The following SFXN5 variants were observed in gnomAD, a reference collection of about 807,000 sequenced individuals.
SFXN5 encodes the protein sideroflexin-5.
In SFXN5, 43 loss-of-function variants were observed where a neutral mutation model predicts 50.2. The observed-to-expected ratio is 0.86, with a 90% CI of 0.67 to 1.11. The LOEUF (loss-of-function observed/expected upper bound fraction) is 1.11, where lower values mean the gene tolerates loss of function less well. Ranked by LOEUF, SFXN5 falls within the 50% of genes least tolerant of loss-of-function variation. SFXN5 has a pLI of 0.00. For missense variants in SFXN5, 463 were observed against 454.1 expected (o/e 1.02, Z -0.18); for synonymous variants, 203 against 185.8 (o/e 1.09, Z -0.75).
chr2:72,969,878 A>C (rs1415173720), intron 11 of SFXN5, among the ~76,000 whole-genome samples: 2 of 151,970 alleles, frequency 1.3e-5, no homozygotes, highest in Non-Finnish European at 2.9e-5. Flanking sequence ...GGGCCTCCCA[A>C]GGGATTCCTG....
rs576633990 is a variant in SFXN5, at chr2:73,031,314, G to A, written c.250-8100C>T. Among the ~76,000 whole-genome samples, 3 of 152,348 alleles carry A rather than the reference G, an allele frequency of 2.0e-5. No individual in the cohort carries two copies. The South Asian group carries it at 6.2e-4, about 32-fold the overall frequency. ...GTCCCCTTGCTGTGAGCCAGTGCAA[G>A]GATGTGGCTGCAGCCCAGCCTCAGC... On this transcript the variant is annotated intron_variant, in intron 3 of 13. Coordinates refer to ENST00000272433, the MANE Select transcript of SFXN5 (RefSeq NM_144579.3).
chr2:72,967,875 G>A (rs1019862930), intron 12 of SFXN5, among the ~76,000 whole-genome samples: 1 of 152,122 alleles, frequency 6.6e-6, no homozygotes, highest in South Asian at 2.1e-4. Context: ...CTCCACTACT[G>A]TTACTATGCT....
At chr2:72,977,994 A>G (rs2105496972) in intron 10 of SFXN5, among the ~76,000 whole-genome samples, 1 of 136,968 alleles carries the variant, frequency 7.3e-6, no homozygotes, top group Admixed American at 7.1e-5. Context: ...AAAAAGAAAG[A>G]AAGAATAAGG....
At chr2:73,026,126 CTTT>C (rs759334127) in intron 3 of SFXN5, among the ~76,000 whole-genome samples, 1 of 133,694 alleles carries the variant, frequency 7.5e-6, no homozygotes, top group Non-Finnish European at 1.5e-5. Flanking sequence ...TGTGTGGCTG[CTTT>C]TTTTTTTTCT....
intron 9 of SFXN5, among the ~76,000 whole-genome samples, chr2:72,991,836 G>A (rs986173026): frequency 1.3e-5 from 2 of 152,178 alleles, no homozygotes; most frequent in South Asian, 2.1e-4. Context: ...AGCAGCTAGC[G>A]ATCAGAAAAA....
intron 6 of SFXN5, among the ~76,000 whole-genome samples, chr2:73,017,595 G>A (rs1313067398): frequency 6.6e-6 from 1 of 152,178 alleles, no homozygotes; most frequent in Non-Finnish European, 1.5e-5. Context: ...TAGCAATTCT[G>A]AAAACTCTTA....
At chr2:72,988,221 A>C (rs1248902797) in intron 10 of SFXN5, 37 bp downstream of exon 10, 1 of 1,588,780 alleles carries the variant, frequency 6.3e-7, no homozygotes, top group Admixed American at 1.7e-5. Context: ...CCCCACACCC[A>C]CCCACAGCAC....
intron 1 of SFXN5, among the ~76,000 whole-genome samples, chr2:73,068,128 G>A (rs543575834): frequency 1.3e-5 from 2 of 152,274 alleles, no homozygotes; most frequent in East Asian, 3.9e-4. Flanking sequence ...ACACTTGAGG[G>A]AATAAAGAGG....
intron 12 of SFXN5, among the ~76,000 whole-genome samples, chr2:72,966,025 C>T (rs1674355392): frequency 6.6e-6 from 1 of 152,192 alleles, no homozygotes; most frequent in Non-Finnish European, 1.5e-5. Context: ...TCCTGCAACA[C>T]TTTAGCACAG....
At chr2:73,051,507 C>T (rs1418290259) in intron 2 of SFXN5, among the ~76,000 whole-genome samples, 3 of 152,132 alleles carry the variant, frequency 2.0e-5, no homozygotes, top group Non-Finnish European at 4.4e-5. Context: ...CCACCTGCCT[C>T]GGCCTCCCAA....
intron 12 of SFXN5, among the ~76,000 whole-genome samples, chr2:72,968,083 G>A (rs1234183861): frequency 6.7e-6 from 1 of 149,442 alleles, no homozygotes; most frequent in Non-Finnish European, 1.5e-5. Flanking sequence ...AAATGGTCCT[G>A]TACATACTAT....
At position 73,050,420 on chromosome 2, in the gene SFXN5, A is replaced by ACACACACACACACACACACC. The variant is rs1553523879; in HGVS notation, c.171+8107_171+8108insGGTGTGTGTGTGTGTGTGTG. Among the ~76,000 whole-genome samples the ACACACACACACACACACACC allele has an allele frequency of 2.9e-3, 406 of 140,766 alleles. 1 individual carries two copies. Among genetic ancestry groups the ACACACACACACACACACACC allele is most frequent in the African/African-American group, 8.7e-3 (350 of 40,240 alleles). 92.3% of individuals were successfully genotyped at this position (140,766 alleles called of 152,430 possible). The stretch of plus-strand genomic sequence containing the variant: ...CACACACACACACACACACACACAC[A>ACACACACACACACACACACC]CCCCTGCAGAGTTAGCACCACATGG... On this transcript the variant is annotated intron_variant, in intron 2 of 13. Transcript: ENST00000272433.
intron 6 of SFXN5, among the ~76,000 whole-genome samples, chr2:73,008,663 T>C (rs550050287): frequency 2.6e-5 from 4 of 152,228 alleles, no homozygotes; most frequent in Admixed American, 2.6e-4. Flanking sequence ...GCAACCACGC[T>C]GGCGGGTTTT....
chr2:72,971,160 A>G (rs887737907), intron 11 of SFXN5, among the ~76,000 whole-genome samples: 3 of 152,320 alleles, frequency 2.0e-5, no homozygotes, highest in African/African-American at 7.2e-5. Context: ...CTATTAACCC[A>G]GAACCACAAA....
In SFXN5 at chr2:73,000,431, C is replaced by G; in HGVS notation, c.468G>C (p.Lys156Asn). 1.3e-6 allele frequency: 2 copies of G among 1,556,984 alleles called. No individual in the cohort carries two copies. The highest frequency in any genetic ancestry group is 1.7e-6 in the Non-Finnish European group (2 of 1,149,262). Reference sequence around the variant, plus strand: ...CTGGGGAGAGGGCAGTGATGCTCACCTTGGTCGCATTGCGGTTTGCATAGT... The same window carrying G: ...CTGGGGAGAGGGCAGTGATGCTCACGTTGGTCGCATTGCGGTTTGCATAGT... ...CVNYANRNAT[K>N]PSPASKFIQG... Residue 156 changes from lysine to asparagine, a missense_variant and splice_region_variant, in exon 8 of 14, where the codon AAG becomes AAC. By Grantham distance (94) the Lys-to-Asn change is moderately conservative (BLOSUM62 0). Coordinates refer to ENST00000272433, the MANE Select transcript of SFXN5 (RefSeq NM_144579.3).
intron 10 of SFXN5, among the ~76,000 whole-genome samples, chr2:72,986,733 T>C (rs979524964): frequency 3.3e-5 from 5 of 152,190 alleles, no homozygotes; most frequent in Non-Finnish European, 7.3e-5. Context: ...AAACAAGGTG[T>C]AGGCTTCTTA....
intron 2 of SFXN5, among the ~76,000 whole-genome samples, chr2:73,055,119 G>A (rs1465896481): frequency 6.6e-6 from 1 of 152,260 alleles, no homozygotes; most frequent in Non-Finnish European, 1.5e-5. Flanking sequence ...CTCTCCCAGA[G>A]CTGGTCAACT....
intron 2 of SFXN5, among the ~76,000 whole-genome samples, chr2:73,050,972 C>G (rs561478873): frequency 1.3e-5 from 2 of 152,248 alleles, no homozygotes; most frequent in African/African-American, 4.8e-5. Flanking sequence ...GAGATTTCTG[C>G]CACATACCCT....
intron 6 of SFXN5, among the ~76,000 whole-genome samples, chr2:73,013,265 A>G (rs975791526): frequency 6.6e-6 from 1 of 152,180 alleles, no homozygotes; most frequent in African/African-American, 2.4e-5. Context: ...GAGATGTGTA[A>G]TACAAAATGG....
Sources: allele counts gnomAD v4.1 joint callset (sites outside exome capture counted in the v4.1 genomes callset), GRCh38; gene constraint gnomAD v4.1.1; transcripts MANE v1.5; gene names NCBI Gene and HGNC (gene_info 2026-07-23, HGNC 2026-07-21).